CORO1C: variants seen among roughly 807,000 people sequenced by gnomAD.
CORO1C encodes coronin-1C.
In CORO1C, 14 loss-of-function variants were observed where a neutral mutation model predicts 51.2. The observed-to-expected ratio is 0.27, with a 90% confidence interval of 0.18 to 0.43. The LOEUF (loss-of-function observed/expected upper bound fraction) is 0.43, where lower values mean the gene tolerates loss of function less well. CORO1C is among the 20% of genes least tolerant of loss of function. The pLI is 1.00. For synonymous variants in CORO1C, 181 were observed against 210.5 expected (o/e 0.86, Z 1.21); for missense variants, 417 against 607.8 (o/e 0.69, Z 3.30).
In CORO1C at chr12:108,678,443, C is replaced by G. The variant is rs140444818; in HGVS notation, c.196-49G>C. 7 of 1,414,612 alleles carry G rather than the reference C, an allele frequency of 4.9e-6. No individual in the cohort carries two copies. In the African/African-American group the frequency reaches 7.3e-5, roughly 15 times the overall value. 87.6% of individuals were successfully genotyped at this position (1,414,612 alleles called of 1,614,324 possible). On this transcript the variant is annotated intron_variant, in intron 2 of 10. Transcript: ENST00000261401. ...TATTATGTAATATCAACACCACAGA[C>G]GTTATACATTTTCTCAGGCCCATTT...
intron 1 of CORO1C, chr12:108,730,386 C>T (rs1263464119): frequency 6.6e-6 from 1 of 152,262 alleles, no homozygotes; most frequent in African/African-American, 2.4e-5. Flanking sequence ...GAGGAAGCCC[C>T]TTTCTTCTCA....
In CORO1C at chr12:108,658,995, G is replaced by C. The variant is rs1252379605; in HGVS notation, c.449-76C>G. On this transcript the variant is annotated intron_variant, in intron 4 of 10. Transcript: ENST00000261401. This position sits in a 1 kb window ranked among gnomAD's most constrained non-coding sequence, Gnocchi z 4.9. Reference sequence around the variant, plus strand: ...ACACACTCAGAAAACTACAGATACAGTGAGAATACACATATGTATATGCAG... The same window carrying C: ...ACACACTCAGAAAACTACAGATACACTGAGAATACACATATGTATATGCAG... 1.0e-5 allele frequency: 15 copies of C among 1,439,358 alleles called. No individual in the cohort carries two copies. The highest frequency in any genetic ancestry group is 1.3e-5 in the Non-Finnish European group (14 of 1,045,846). 89.2% of individuals were successfully genotyped at this position (1,439,358 alleles called of 1,614,324 possible).
chr12:108,713,263 A>G (rs981986831), intron 1 of CORO1C, among the ~76,000 whole-genome samples: 2 of 152,238 alleles, frequency 1.3e-5, no homozygotes, highest in Admixed American at 1.3e-4. Flanking sequence ...GACTTGTTGA[A>G]AAAAATGTTT....
In CORO1C at chr12:108,701,172, G is replaced by A; in HGVS notation, c.147C>T (p.Ile49=). ...ACGCTCCTCCCCCACTTGCCTCTAT[G>A]ATTATGGCAACAAATCTGGGATTGA... ...CAVNPRFVAI[I]IEASGGGAFL... is the part of the protein sequence containing the mutation. The change falls in exon 2 of 11, where the codon ATC becomes ATT. Residue 49 remains isoleucine, a synonymous_variant. Coordinates refer to ENST00000261401, the MANE Select transcript of CORO1C (RefSeq NM_014325.4). 6.2e-7 allele frequency: 1 copy of A among 1,614,140 alleles called. No homozygotes were observed. Among genetic ancestry groups the A allele is most frequent in the Non-Finnish European group, 8.5e-7 (1 of 1,180,028 alleles).
At position 108,662,280 on chromosome 12, in the gene CORO1C, T is replaced by C. The variant is rs1333952044; in HGVS notation, c.319-122A>G. 10 of 822,780 alleles carry C rather than the reference T, an allele frequency of 1.2e-5. No homozygotes were observed. The East Asian group carries it at 2.0e-4, about 17-fold the overall frequency. The allele number at this position is 822,780 out of a possible 1,614,324, so 51.0% of individuals were successfully genotyped here. On this transcript the variant is annotated intron_variant, in intron 3 of 10. Transcript: ENST00000261401. ...AACAGAACATAGAGTGATATCTGGA[T>C]GAAAGGCAGAATGTTGTGAAATGAC...
intron 1 of CORO1C, chr12:108,701,806 C>G: frequency 5.4e-6 from 1 of 184,596 alleles, no homozygotes; most frequent in Non-Finnish European, 1.1e-5. Flanking sequence ...AACATTTTCC[C>G]TAGACATCAA....
intron 2 of CORO1C, among the ~76,000 whole-genome samples, chr12:108,687,340 A>G (rs1359991707): frequency 1.3e-5 from 2 of 152,180 alleles, no homozygotes; most frequent in African/African-American, 4.8e-5. Context: ...TATAAAAATT[A>G]GTCAGGTGTA....
chr12:108,700,174 G>C (rs1006590890), intron 2 of CORO1C, among the ~76,000 whole-genome samples: 1 of 152,142 alleles, frequency 6.6e-6, no homozygotes, highest in African/African-American at 2.4e-5. Context: ...TTCCCCCGCT[G>C]TTTTCAGCAG....
chr12:108,715,625 C>A (rs981329859), intron 1 of CORO1C, among the ~76,000 whole-genome samples: 1 of 150,856 alleles, frequency 6.6e-6, no homozygotes, highest in Admixed American at 6.6e-5. Flanking sequence ...CTACCTGACC[C>A]GCCTCCTCCC....
chr12:108,700,888 A>G, intron 2 of CORO1C: 1 of 456,408 alleles, frequency 2.2e-6, no homozygotes, highest in Non-Finnish European at 3.9e-6. Context: ...CAACATCGTT[A>G]TAATAATTTT....
At position 108,647,384 on chromosome 12, in the gene CORO1C, A is replaced by C; in HGVS notation, c.*19T>G. The C allele has an allele frequency of 2.7e-5, 24 of 905,296 alleles. No homozygotes were observed. The highest frequency in any genetic ancestry group is 3.7e-5 in the Non-Finnish European group (22 of 599,434). 56.1% of individuals were successfully genotyped at this position (905,296 alleles called of 1,614,324 possible). ...AAGTTCTTGCTCCCATTTTTTCTGT[A>C]GGGGTGGGGGTGGGACCTTCAGGCT... is the stretch of plus-strand genomic sequence containing the variant. On this transcript the variant is annotated 3_prime_UTR_variant, in exon 11 of 11. Coordinates refer to ENST00000261401, the MANE Select transcript of CORO1C (RefSeq NM_014325.4).
chr12:108,689,299 G>A (rs960276541), intron 2 of CORO1C, among the ~76,000 whole-genome samples: 2 of 152,158 alleles, frequency 1.3e-5, no homozygotes, highest in African/African-American at 4.8e-5. Flanking sequence ...TTACCCAGCA[G>A]GCCTACTCTT....
rs2032317824 is a variant in CORO1C, at chr12:108,645,573, T to A, written c.*1830A>T. The stretch of plus-strand genomic sequence containing the variant: ...CTTTACATCTCATGATCCACTTCAA[T>A]ATTAAACACATACATACACACACAC... On this transcript the variant is annotated 3_prime_UTR_variant, in exon 11 of 11. Transcript: ENST00000261401. The A allele has an allele frequency of 1.3e-5, 2 of 152,224 alleles. No homozygotes were observed. Among genetic ancestry groups the A allele is most frequent in the African/African-American group, 4.8e-5 (2 of 41,458 alleles). 9.4% of individuals were successfully genotyped at this position (152,224 alleles called of 1,614,324 possible). A position where few individuals can be genotyped will look rare whatever the true frequency, so the allele number is the denominator to read the frequency against.
At chr12:108,661,607 T>C (rs1592860556) in intron 4 of CORO1C, among the ~76,000 whole-genome samples, 2 of 152,258 alleles carry the variant, frequency 1.3e-5, no homozygotes, top group South Asian at 4.1e-4. Context: ...AAAATCAAAG[T>C]TTTCTTTAAA....
chr12:108,680,913 G>T (rs569555857), intron 2 of CORO1C, among the ~76,000 whole-genome samples: 46 of 152,284 alleles, frequency 3.0e-4, no homozygotes, highest in Non-Finnish European at 1.3e-4. Flanking sequence ...TTAAGCTGAT[G>T]GTACTGGGAT....
chr12:108,673,305 A>C (rs1357281209), intron 3 of CORO1C, among the ~76,000 whole-genome samples: 2 of 152,208 alleles, frequency 1.3e-5, no homozygotes, highest in African/African-American at 2.4e-5. Flanking sequence ...CTTAAGCCAA[A>C]GCCTAATCCA....
At chr12:108,661,889 A>G in intron 4 of CORO1C, 140 bp downstream of exon 4, 1 of 849,050 alleles carries the variant, frequency 1.2e-6, no homozygotes, top group Non-Finnish European at 1.8e-6. Flanking sequence ...GGAGCAGTGC[A>G]CCCCAATACT....
At chr12:108,681,300 T>C (rs539964717) in intron 2 of CORO1C, among the ~76,000 whole-genome samples, 8 of 152,220 alleles carry the variant, frequency 5.3e-5, no homozygotes, top group African/African-American at 9.6e-5. Context: ...AAAGAGATAA[T>C]GTCTGAGAAT....
chr12:108,655,278 T>C (rs2032890126), intron 6 of CORO1C, among the ~76,000 whole-genome samples: 1 of 152,342 alleles, frequency 6.6e-6, no homozygotes, highest in East Asian at 1.9e-4. Context: ...ATATTATTTA[T>C]GAAATATGAA....
Sources: gnomAD v4.1 joint callset for allele counts (sites outside exome capture counted in the v4.1 genomes callset) on GRCh38, gnomAD v4.1.1 for gene constraint, Gnocchi (gnomAD v3.1) non-coding constraint, MANE v1.5 for transcripts, NCBI Gene and HGNC (gene_info 2026-07-23, HGNC 2026-07-21) for gene names.